The following NID1 variants were observed in gnomAD, a reference collection of about 807,000 sequenced individuals.
NID1 encodes nidogen-1.
Under a neutral mutation model 130.6 loss-of-function variants are expected in NID1, and 76 were observed. That is an observed-to-expected ratio of 0.58 (90% CI 0.48 to 0.70). NID1 has a LOEUF of 0.70. Among genes scored for constraint, NID1 ranks in the 30% least tolerant of loss-of-function variants. NID1 has a pLI of 0.00. For synonymous variants in NID1, 665 were observed against 675.1 expected (o/e 0.98, Z 0.23); for missense variants, 1,517 against 1,664.8 (o/e 0.91, Z 1.54).
chr1:236,051,257 C>T (rs1558449465), intron 1 of NID1, among the ~76,000 whole-genome samples: 2 of 146,536 alleles, frequency 1.4e-5, no homozygotes, highest in Non-Finnish European at 3.0e-5. Flanking sequence ...CCCTCCCCCT[C>T]CCCCTGCCCC....
chr1:236,044,769 A>G (rs1467267826), intron 3 of NID1, among the ~76,000 whole-genome samples: 1 of 152,218 alleles, frequency 6.6e-6, no homozygotes, highest in African/African-American at 2.4e-5. Context: ...CTACAACATA[A>G]CCTGAGAGCA....
intron 7 of NID1, among the ~76,000 whole-genome samples, chr1:236,027,242 C>T (rs1658962681): frequency 6.6e-6 from 1 of 152,096 alleles, no homozygotes; most frequent in Non-Finnish European, 1.5e-5. Context: ...CCCTCAACTT[C>T]CTGTTTTTTT....
At chr1:236,032,198 TTAATGA>T (rs543699910) in intron 6 of NID1, among the ~76,000 whole-genome samples, 197 bp downstream of exon 6, 131 of 152,322 alleles carry the variant, frequency 8.6e-4, no homozygotes, top group African/African-American at 2.9e-3. Context: ...TTGCTATATA[TTAATGA>T]TAATATTACA....
chr1:236,002,737 G>A (rs1658116070), intron 12 of NID1, among the ~76,000 whole-genome samples: 1 of 152,136 alleles, frequency 6.6e-6, no homozygotes, highest in Non-Finnish European at 1.5e-5. Context: ...AAGAAGGGAT[G>A]GAGGAACCAC....
At chr1:235,990,864 G>A (rs1260532879) in intron 14 of NID1, 22 bp downstream of exon 14, 3 of 1,613,280 alleles carry the variant, frequency 1.9e-6, no homozygotes, top group Non-Finnish European at 2.5e-6. Context: ...GCTGTCACCA[G>A]GTATAATCAG....
intron 1 of NID1, among the ~76,000 whole-genome samples, chr1:236,061,269 A>G (rs6702978): frequency 0.52 from 78,528 of 151,960 alleles, 21,429 homozygotes; most frequent in African/African-American, 0.69. Context: ...TAAGGCCAAA[A>G]TGAGTGTCAC....
At chr1:236,009,332 A>G (rs1460121540) in intron 12 of NID1, among the ~76,000 whole-genome samples, 2 of 152,232 alleles carry the variant, frequency 1.3e-5, no homozygotes, top group African/African-American at 2.4e-5. Flanking sequence ...TCAACTTCTC[A>G]GCACGTCGAT....
chr1:236,029,298 C>T (rs756589210), intron 7 of NID1, among the ~76,000 whole-genome samples: 1 of 152,080 alleles, frequency 6.6e-6, no homozygotes, highest in Non-Finnish European at 1.5e-5. Flanking sequence ...AAAAGAAATA[C>T]ACTTAAATGT....
chr1:236,037,468 G>T (rs1392817734), intron 5 of NID1, among the ~76,000 whole-genome samples: 4 of 152,136 alleles, frequency 2.6e-5, no homozygotes, highest in African/African-American at 2.4e-5. Flanking sequence ...GACCAGTCTG[G>T]CCAACATGGA....
rs758790566 is a variant in NID1 at position 236,049,004 on chromosome 1, G to T, written c.226-15C>A. 6.2e-7 allele frequency: 1 copy of T among 1,607,530 alleles called. No individual in the cohort carries two copies. Among genetic ancestry groups the T allele is most frequent in the Non-Finnish European group, 8.5e-7 (1 of 1,178,558 alleles). ...TTTGTGGTGACCTGTACAAAACCAA[G>T]TGTGGTTAAAAGGAATGCAGAAACG... is the stretch of plus-strand genomic sequence containing the variant. On this transcript the variant is annotated splice_polypyrimidine_tract_variant and intron_variant, in intron 1 of 19. Transcript: ENST00000264187.
intron 2 of NID1, 92 bp from the exon 3 acceptor site, chr1:236,045,775 G>A: frequency 2.1e-6 from 2 of 967,474 alleles, no homozygotes; most frequent in Admixed American, 2.6e-5. Flanking sequence ...AGCGTACAGT[G>A]CTATAGAGCG....
chr1:235,979,043 G>T lies in NID1; in HGVS notation c.3574C>A (p.Gln1192Lys). ...KETDAFQPHK[Q>K]TRLYGITTAL... ...GTGGTGATGCCATACAGCCGGGTCTGCTTGTGGGGTTGGAAAGCATCCGTC... is the reference window on the plus strand; with the variant it reads ...GTGGTGATGCCATACAGCCGGGTCTTCTTGTGGGGTTGGAAAGCATCCGTC... The change falls in exon 19 of 20, where the codon CAG becomes AAG. Residue 1192 changes from glutamine (Q) to lysine (K), a missense_variant. By Grantham distance (53) the Gln-to-Lys change is moderately conservative (BLOSUM62 1). This residue lies in a region of NID1 where 181 missense variants were observed against 211.3 expected (regional missense o/e 0.86). Coordinates refer to ENST00000264187, the MANE Select transcript of NID1 (RefSeq NM_002508.3). This position sits in a 1 kb window ranked among gnomAD's most constrained non-coding sequence, Gnocchi z 4.6. The T allele has an allele frequency of 6.2e-7, 1 of 1,614,098 alleles. No individual in the cohort carries two copies.
intron 12 of NID1, among the ~76,000 whole-genome samples, chr1:236,008,418 T>C (rs560103117): frequency 6.6e-6 from 1 of 152,216 alleles, no homozygotes; most frequent in Non-Finnish European, 1.5e-5. Context: ...GTATGATCCC[T>C]GTCCTTTACT....
Position 236,026,049 on chromosome 1 carries a change from G to C in NID1, c.1831C>G (p.Gln611Glu). ...ACGCATTCCTGGAAGGTGATGGTCT[G>C]GCGCCACTGGTAAGTGTAGATGCGT... ...PSRIYTYQWR[Q>E]TITFQECVHD... The change falls in exon 8 of 20, where the codon CAG becomes GAG. Residue 611 changes from glutamine (Q) to glutamate (E), a missense_variant. Transcript: ENST00000264187. 3 of 1,613,896 alleles carry C rather than the reference G, an allele frequency of 1.9e-6. No homozygotes were observed. The highest frequency in any genetic ancestry group is 2.5e-6 in the Non-Finnish European group (3 of 1,180,024).
chr1:236,024,904 C>T (rs1572603018), intron 8 of NID1, among the ~76,000 whole-genome samples: 1 of 152,200 alleles, frequency 6.6e-6, no homozygotes, highest in East Asian at 1.9e-4. Flanking sequence ...CTTTTAGGCT[C>T]CCTCCCTAAT....
At chr1:235,983,106 C>T (rs1214627626) in intron 15 of NID1, among the ~76,000 whole-genome samples, 1 of 152,216 alleles carries the variant, frequency 6.6e-6, no homozygotes, top group East Asian at 1.9e-4. Flanking sequence ...AACTCCTGAC[C>T]TCAAGTGATC....
intron 1 of NID1, among the ~76,000 whole-genome samples, chr1:236,055,870 C>T (rs1339649636): frequency 1.3e-5 from 2 of 151,914 alleles, no homozygotes; most frequent in Non-Finnish European, 1.5e-5. Context: ...GTGTACAACG[C>T]GATTTGATAC....
At chr1:236,061,359 G>A (rs1163306451) in intron 1 of NID1, among the ~76,000 whole-genome samples, 1 of 152,142 alleles carries the variant, frequency 6.6e-6, no homozygotes, top group Non-Finnish European at 1.5e-5. Context: ...TTAACACCAG[G>A]TATTAATCTT....
At chr1:236,004,488 C>T (rs1046710572) in intron 12 of NID1, among the ~76,000 whole-genome samples, 1 of 152,138 alleles carries the variant, frequency 6.6e-6, no homozygotes, top group Non-Finnish European at 1.5e-5. Flanking sequence ...CTAAGCCAGG[C>T]GCGGTGGCTC....
Sources: allele counts gnomAD v4.1 joint callset (sites outside exome capture counted in the v4.1 genomes callset), GRCh38; gene constraint gnomAD v4.1.1; regional missense constraint gnomAD v4.1.1; non-coding constraint Gnocchi (gnomAD v3.1); transcripts MANE v1.5; gene names NCBI Gene and HGNC (gene_info 2026-07-23, HGNC 2026-07-21).